The following NAV2 variants were observed in gnomAD, a reference collection of about 807,000 sequenced individuals.
The protein encoded by NAV2 is neuron navigator 2.
A neutral mutation model predicts 223.2 loss-of-function variants in NAV2; 54 were observed. That is an observed-to-expected ratio of 0.24 (90% CI 0.19 to 0.30). The LOEUF (loss-of-function observed/expected upper bound fraction) is 0.30, where lower values mean the gene tolerates loss of function less well. Ranked by LOEUF, NAV2 falls within the 10% of genes least tolerant of loss-of-function variation. The pLI is 1.00. For synonymous variants in NAV2, 1,279 were observed against 1,239.3 expected (o/e 1.03, Z -0.67); for missense variants, 2,806 against 3,147.5 (o/e 0.89, Z 2.60).
At chr11:20,014,224 C>T (rs2053820732) in intron 11 of NAV2, among the ~76,000 whole-genome samples, 1 of 152,220 alleles carries the variant, frequency 6.6e-6, no homozygotes, top group East Asian at 1.9e-4. Context: ...CCCTCTCCCT[C>T]ATTATCACCC....
intron 1 of NAV2, among the ~76,000 whole-genome samples, chr11:19,662,002 A>G (rs527252942): frequency 4.1e-4 from 62 of 152,320 alleles, no homozygotes; most frequent in Non-Finnish European, 8.2e-4. Context: ...CCTGGAATGC[A>G]GTGGAAAAGT....
chr11:19,414,033 A>G (rs969254407), intron 1 of NAV2, among the ~76,000 whole-genome samples: 23 of 152,256 alleles, frequency 1.5e-4, no homozygotes, highest in Non-Finnish European at 3.2e-4. Context: ...ATAACCAGCT[A>G]GCATCATAAT....
At chr11:20,040,028 G>A (rs932498517) in intron 12 of NAV2, among the ~76,000 whole-genome samples, 1 of 152,224 alleles carries the variant, frequency 6.6e-6, no homozygotes, top group Non-Finnish European at 1.5e-5. Context: ...TGTGTAAAAT[G>A]TGGATAATAA....
intron 3 of NAV2, among the ~76,000 whole-genome samples, chr11:19,865,604 G>A (rs2062043424): frequency 6.6e-6 from 1 of 152,180 alleles, no homozygotes; most frequent in Non-Finnish European, 1.5e-5. Context: ...GTGGATTTCA[G>A]ACTTGAGGAA....
In NAV2 at chr11:20,120,193, C is replaced by G. The variant is rs1290653256; in HGVS notation, c.*1935C>G. 6.6e-6 allele frequency: 1 copy of G among 152,246 alleles called. No homozygotes were observed. The highest frequency in any genetic ancestry group is 1.9e-4 in the East Asian group (1 of 5,178). 9.4% of individuals were successfully genotyped at this position (152,246 alleles called of 1,614,324 possible). A position where few individuals can be genotyped will look rare whatever the true frequency, so the allele number is the denominator to read the frequency against. The stretch of plus-strand genomic sequence containing the variant: ...CATAAGAGTTTGACCCGAAACTGCT[C>G]ACTTCACATTGGATGACACCATGTT... On this transcript the variant is annotated 3_prime_UTR_variant, in exon 38 of 38. Coordinates refer to ENST00000349880, the MANE Select transcript of NAV2 (RefSeq NM_145117.5).
chr11:19,930,151 C>T (rs974062994), intron 6 of NAV2, among the ~76,000 whole-genome samples: 5 of 152,126 alleles, frequency 3.3e-5, no homozygotes, highest in Non-Finnish European at 5.9e-5. Context: ...GAGGTATGGA[C>T]GGAATCCTAG....
At chr11:20,028,606 C>T (rs761729573) in intron 11 of NAV2, among the ~76,000 whole-genome samples, 2 of 152,180 alleles carry the variant, frequency 1.3e-5, no homozygotes, top group African/African-American at 2.4e-5. Flanking sequence ...TAAGACACTG[C>T]CATCTTTCAG....
chr11:19,975,850 G>A (rs914045133), intron 10 of NAV2, among the ~76,000 whole-genome samples: 1 of 152,202 alleles, frequency 6.6e-6, no homozygotes, highest in African/African-American at 2.4e-5. Context: ...CGAGGTCTGT[G>A]AGCCAACTCA....
At chr11:19,462,964 C>T (rs1852218120) in intron 1 of NAV2, among the ~76,000 whole-genome samples, 1 of 152,148 alleles carries the variant, frequency 6.6e-6, no homozygotes, top group Non-Finnish European at 1.5e-5. Context: ...CTGAGGTATT[C>T]AGTATAGTAT....
intron 1 of NAV2, among the ~76,000 whole-genome samples, chr11:19,788,117 G>A (rs1256043795): frequency 2.0e-5 from 3 of 152,182 alleles, no homozygotes; most frequent in Non-Finnish European, 4.4e-5. Context: ...ACTTCTGTAA[G>A]TCGGGGTTTC....
chr11:20,069,601 A>G (rs2059271798), intron 22 of NAV2, among the ~76,000 whole-genome samples: 1 of 152,176 alleles, frequency 6.6e-6, no homozygotes, highest in Non-Finnish European at 1.5e-5. Context: ...TGAAGCTCAG[A>G]GGGCAGAGCC....
At chr11:20,008,231 G>T (rs1278038305) in intron 11 of NAV2, among the ~76,000 whole-genome samples, 3 of 152,140 alleles carry the variant, frequency 2.0e-5, no homozygotes, top group Non-Finnish European at 4.4e-5. Flanking sequence ...GCCAAGTGTG[G>T]TGGCGTGTGC....
At chr11:20,060,282 C>A (rs981731289) in intron 19 of NAV2, among the ~76,000 whole-genome samples, 1 of 152,262 alleles carries the variant, frequency 6.6e-6, no homozygotes, top group Non-Finnish European at 1.5e-5. Context: ...GTGTTACACA[C>A]ATCTCTTCAC....
chr11:20,072,435 A>G (rs1203375358), intron 22 of NAV2, among the ~76,000 whole-genome samples: 1 of 139,978 alleles, frequency 7.1e-6, no homozygotes, highest in African/African-American at 2.9e-5. Context: ...TTGGTTCCAT[A>G]TGAAATTTAA....
At chr11:19,923,649 T>C (rs1018651297) in intron 6 of NAV2, among the ~76,000 whole-genome samples, 1 of 152,230 alleles carries the variant, frequency 6.6e-6, no homozygotes, top group Non-Finnish European at 1.5e-5. Flanking sequence ...TACAATAGTG[T>C]ACAGCCATTG....
At chr11:19,795,986 C>CT (rs35886640) in intron 1 of NAV2, among the ~76,000 whole-genome samples, 71,298 of 151,878 alleles carry the variant, frequency 0.47, 17,209 homozygotes, top group East Asian at 0.7. Context: ...ATCTGGATTC[C>CT]CATGGACTCA....
intron 11 of NAV2, among the ~76,000 whole-genome samples, chr11:19,992,992 C>T (rs1325109829): frequency 2.0e-5 from 3 of 152,090 alleles, no homozygotes. Context: ...AGATGTCTAG[C>T]AATATGAAAG....
At chr11:19,804,907 G>A (rs528348553) in intron 1 of NAV2, among the ~76,000 whole-genome samples, 57 of 152,328 alleles carry the variant, frequency 3.7e-4, no homozygotes, top group African/African-American at 1.1e-3. Flanking sequence ...CATTCCCACT[G>A]CAGGAGTAAA....
chr11:19,904,928 A>AC (rs1263564252), intron 6 of NAV2, among the ~76,000 whole-genome samples: 5 of 152,078 alleles, frequency 3.3e-5, no homozygotes, highest in African/African-American at 1.2e-4. Context: ...GCATTTAATT[A>AC]CCCCAGGCAA....
Sources: allele counts gnomAD v4.1 joint callset (sites outside exome capture counted in the v4.1 genomes callset), GRCh38; gene constraint gnomAD v4.1.1; transcripts MANE v1.5; gene names NCBI Gene and HGNC (gene_info 2026-07-23, HGNC 2026-07-21).